Variants in DCC observed in about 807,000 individuals in gnomAD.
DCC encodes DCC netrin 1 receptor.
In DCC, 58 loss-of-function variants were observed where a neutral mutation model predicts 172.5. The observed-to-expected ratio is 0.34, with a 90% CI of 0.27 to 0.42. The LOEUF is 0.42. Ranked by LOEUF, DCC falls within the 10% of genes least tolerant of loss-of-function variation. DCC has a pLI of 1.00. For missense variants in DCC, 1,740 were observed against 1,791.0 expected (o/e 0.97, Z 0.51); for synonymous variants, 709 against 644.5 (o/e 1.10, Z -1.52).
chr18:53,489,485 C>G (rs2045937450), intron 26 of DCC, among the ~76,000 whole-genome samples: 1 of 152,138 alleles, frequency 6.6e-6, no homozygotes, highest in African/African-American at 2.4e-5. Context: ...AACAAACATT[C>G]CTGTTCTCTC....
intron 21 of DCC, among the ~76,000 whole-genome samples, chr18:53,429,151 C>G (rs938067611): frequency 6.5e-5 from 8 of 122,888 alleles, no homozygotes; most frequent in Non-Finnish European, 1.3e-4. Context: ...ATCGGTTGGT[C>G]TGGCGAAGTA....
intron 1 of DCC, among the ~76,000 whole-genome samples, chr18:52,349,231 G>A (rs1461801979): frequency 5.9e-5 from 9 of 152,108 alleles, no homozygotes. Context: ...GCTCCCATGG[G>A]ACAGGCTAAT....
chr18:53,107,438 A>G (rs1239060262), intron 7 of DCC, among the ~76,000 whole-genome samples: 4 of 151,528 alleles, frequency 2.6e-5, no homozygotes, highest in Non-Finnish European at 4.4e-5. Context: ...CTCTAAATTG[A>G]AAAACTTTAA....
intron 9 of DCC, among the ~76,000 whole-genome samples, chr18:53,185,157 G>A (rs1265443327): frequency 2.0e-5 from 3 of 152,196 alleles, no homozygotes; most frequent in Non-Finnish European, 2.9e-5. Flanking sequence ...ATAAATAAGA[G>A]ATGGGGAACG....
chr18:53,048,328 C>T (rs759037795), intron 5 of DCC, among the ~76,000 whole-genome samples: 2 of 151,632 alleles, frequency 1.3e-5, no homozygotes, highest in East Asian at 1.9e-4. Flanking sequence ...TTTTTCTGTC[C>T]ATGTGTTCTT....
At chr18:53,470,951 T>C (rs2045688629) in intron 25 of DCC, among the ~76,000 whole-genome samples, 1 of 152,202 alleles carries the variant, frequency 6.6e-6, no homozygotes, top group African/African-American at 2.4e-5. Flanking sequence ...GAAACTCTAG[T>C]TTCATGCCTC....
At chr18:52,887,099 T>C (rs918466568) in intron 2 of DCC, among the ~76,000 whole-genome samples, 9 of 152,164 alleles carry the variant, frequency 5.9e-5, no homozygotes, top group Non-Finnish European at 8.8e-5. Context: ...CACGGGCATG[T>C]TGAATGAAAG....
chr18:53,244,092 A>T (rs1384544047), intron 12 of DCC, among the ~76,000 whole-genome samples: 1 of 152,154 alleles, frequency 6.6e-6, no homozygotes, highest in Non-Finnish European at 1.5e-5. Context: ...ATGTAACCAG[A>T]TGTGACGGAT....
chr18:52,915,344 T>G (rs567260612), intron 3 of DCC, among the ~76,000 whole-genome samples: 39 of 152,246 alleles, frequency 2.6e-4, no homozygotes, highest in African/African-American at 9.4e-4. Context: ...GGATAATTTA[T>G]ATGACCAACC....
At chr18:53,510,003 T>A (rs2046230912) in intron 27 of DCC, among the ~76,000 whole-genome samples, 1 of 152,208 alleles carries the variant, frequency 6.6e-6, no homozygotes, top group Non-Finnish European at 1.5e-5. Flanking sequence ...TATTTATAAA[T>A]TTGTCCTTCT....
At chr18:52,830,745 C>A (rs138071458) in intron 2 of DCC, among the ~76,000 whole-genome samples, 1 of 152,096 alleles carries the variant, frequency 6.6e-6, no homozygotes, top group African/African-American at 2.4e-5. Context: ...ACCCAAGAAA[C>A]CTCTTTTATC....
In DCC at chr18:53,486,900, G is replaced by A; in HGVS notation, c.3840G>A (p.Arg1280=). ...CGYPHPQFTL[R]PVPFPTLSVD... ...ATCCCCACCCGCAGTTCACTCTCCG[G>A]CCTGTGCCATTCCCAACACTCTCAG... is the stretch of plus-strand genomic sequence containing the variant. Residue 1280 remains arginine, a synonymous_variant, in exon 26 of 29, where the codon CGG becomes CGA. Coordinates refer to ENST00000442544, the MANE Select transcript of DCC (RefSeq NM_005215.4). 6.2e-7 allele frequency: 1 copy of A among 1,614,160 alleles called. No individual in the cohort carries two copies. The highest frequency in any genetic ancestry group is 8.5e-7 in the Non-Finnish European group (1 of 1,180,032).
intron 12 of DCC, among the ~76,000 whole-genome samples, chr18:53,294,894 A>C (rs1308494394): frequency 6.6e-6 from 1 of 152,212 alleles, no homozygotes; most frequent in Non-Finnish European, 1.5e-5. Context: ...GGCAAAGATA[A>C]AGATTAGATT....
intron 12 of DCC, among the ~76,000 whole-genome samples, chr18:53,274,884 G>A (rs146619277): frequency 2.0e-5 from 3 of 152,034 alleles, no homozygotes; most frequent in Admixed American, 6.6e-5. Context: ...ATTTAACAAG[G>A]TTCCCTAGGT....
chr18:52,585,034 T>G (rs1223608326), intron 1 of DCC, among the ~76,000 whole-genome samples: 1 of 152,124 alleles, frequency 6.6e-6, no homozygotes, highest in Non-Finnish European at 1.5e-5. Context: ...ATGTCTCGAG[T>G]AGCTAACATA....
chr18:52,883,120 TTTG>T (rs894203646), intron 2 of DCC, among the ~76,000 whole-genome samples: 63 of 152,166 alleles, frequency 4.1e-4, no homozygotes, highest in Middle Eastern at 6.8e-3. Context: ...TTTCTATCTT[TTTG>T]TTTTCAGTCC....
In DCC at chr18:52,443,446, G is replaced by T. The variant is rs1988029513; in HGVS notation, c.91+102568G>T. Among the ~76,000 whole-genome samples, 3 of 13,806 alleles carry T rather than the reference G, an allele frequency of 2.2e-4. No individual in the cohort carries two copies. The South Asian group carries it at 2.9e-3, about 13-fold the overall frequency. The allele number at this position is 13,806 out of a possible 152,430, so 9.1% of individuals were successfully genotyped here. A position where few individuals can be genotyped will look rare whatever the true frequency, so the allele number is the denominator to read the frequency against. On this transcript the variant is annotated intron_variant, in intron 1 of 28. Coordinates refer to ENST00000442544, the MANE Select transcript of DCC (RefSeq NM_005215.4). ...TGAGCTAAAATAGAGGAGAAATGAT[G>T]GTGTTTGTGGGACTACCAACAACAG...
At chr18:52,974,698 C>G (rs1206568169) in intron 5 of DCC, among the ~76,000 whole-genome samples, 1 of 152,202 alleles carries the variant, frequency 6.6e-6, no homozygotes, top group East Asian at 1.9e-4. Context: ...TTTCCACTTG[C>G]AATGTAGACA....
At chr18:53,504,050 A>G (rs557075056) in intron 27 of DCC, among the ~76,000 whole-genome samples, 532 of 152,230 alleles carry the variant, frequency 3.5e-3, no homozygotes, top group Non-Finnish European at 5.1e-3. Flanking sequence ...GAAGACAAGG[A>G]GGGGGTGGAG....
Sources: gnomAD v4.1 joint callset for allele counts (sites outside exome capture counted in the v4.1 genomes callset) on GRCh38, gnomAD v4.1.1 for gene constraint, MANE v1.5 for transcripts, NCBI Gene and HGNC (gene_info 2026-07-23, HGNC 2026-07-21) for gene names.